CALN1: variants seen among roughly 807,000 people sequenced by gnomAD.
The protein encoded by CALN1 is calcium-binding protein 8.
Under a neutral mutation model 30.6 loss-of-function variants are expected in CALN1, and 17 were observed. That is an observed-to-expected ratio of 0.56 (90% CI 0.38 to 0.83). CALN1 has a LOEUF of 0.83. Ranked by LOEUF, CALN1 falls within the 40% of genes least tolerant of loss-of-function variation. The pLI is 0.00. For synonymous variants in CALN1, 156 were observed against 131.4 expected, an observed-to-expected ratio of 1.19 and a Z score of -1.28; for missense variants, 291 against 354.9, an observed-to-expected ratio of 0.82 and a Z score of 1.45.
chr7:72,408,831 T>C (rs1174567486), intron 1 of CALN1, among the ~76,000 whole-genome samples: 2 of 151,580 alleles, frequency 1.3e-5, no homozygotes, highest in Non-Finnish European at 2.9e-5. Context: ...GCGGGCACCA[T>C]CACTCCTGGC....
At position 71,811,278 on chromosome 7, in the gene CALN1, G is replaced by A. The variant is rs1214388347; in HGVS notation, c.502-786C>T. Among the ~76,000 whole-genome samples the A allele has an allele frequency of 2.6e-5, 4 of 152,194 alleles. No individual in the cohort carries two copies. The South Asian group carries it at 6.2e-4, about 24-fold the overall frequency. On this transcript the variant is annotated intron_variant, in intron 5 of 6. Coordinates refer to ENST00000395275, the MANE Select transcript of CALN1 (RefSeq NM_031468.4). ...GCTGGAGTCCAGTGGTGTGATCATA[G>A]CTCCCTGCAGCCTTGAACTCCTGGG...
chr7:72,330,865 T>A (rs1011715602), intron 2 of CALN1, among the ~76,000 whole-genome samples: 3 of 152,182 alleles, frequency 2.0e-5, no homozygotes, highest in African/African-American at 4.8e-5. Flanking sequence ...AAACCAGTTA[T>A]TTAGTCTTGC....
At chr7:72,311,922 T>C (rs1193185993) in intron 2 of CALN1, among the ~76,000 whole-genome samples, 1 of 151,768 alleles carries the variant, frequency 6.6e-6, no homozygotes, top group Non-Finnish European at 1.5e-5. Flanking sequence ...GAAATGAGCA[T>C]AGGAGAGTGA....
intron 2 of CALN1, among the ~76,000 whole-genome samples, chr7:72,295,470 C>T (rs1046948510): frequency 4.6e-5 from 7 of 151,740 alleles, no homozygotes; most frequent in African/African-American, 1.7e-4. Context: ...GCCATTTTCA[C>T]GATATTGATT....
intron 4 of CALN1, among the ~76,000 whole-genome samples, chr7:72,055,912 T>G (rs1341719456): frequency 6.6e-6 from 1 of 152,028 alleles, no homozygotes; most frequent in East Asian, 1.9e-4. Context: ...TCCCAACTAC[T>G]CAGGAGGCTG....
At chr7:72,285,898 C>T (rs761262132) in intron 2 of CALN1, among the ~76,000 whole-genome samples, 10 of 152,250 alleles carry the variant, frequency 6.6e-5, no homozygotes, top group East Asian at 3.9e-4. Flanking sequence ...ACCAGACATA[C>T]AAGGGGCAAT....
intron 5 of CALN1, among the ~76,000 whole-genome samples, chr7:71,915,371 A>G (rs1794635557): frequency 6.6e-6 from 1 of 152,200 alleles, no homozygotes; most frequent in Admixed American, 6.5e-5. Flanking sequence ...TCTTCCTCAC[A>G]TCAGGCTCTG....
intron 3 of CALN1, among the ~76,000 whole-genome samples, chr7:72,215,086 G>A (rs1409084364): frequency 6.6e-6 from 1 of 151,938 alleles, no homozygotes; most frequent in Non-Finnish European, 1.5e-5. Flanking sequence ...AAAACCATCC[G>A]ACATCCCCCA....
intron 5 of CALN1, among the ~76,000 whole-genome samples, chr7:71,835,884 G>T (rs571670317): frequency 2.6e-5 from 4 of 152,152 alleles, no homozygotes; most frequent in Non-Finnish European, 5.9e-5. Flanking sequence ...GGGGACAGCT[G>T]GGAGTTATAA....
chr7:72,234,722 A>C (rs1406527094), intron 3 of CALN1, among the ~76,000 whole-genome samples: 1 of 152,188 alleles, frequency 6.6e-6, no homozygotes, highest in African/African-American at 2.4e-5. Flanking sequence ...GTGGGACTAC[A>C]GGCGTGAGCC....
chr7:72,321,451 A>G (rs1183714811), intron 2 of CALN1, among the ~76,000 whole-genome samples: 1 of 152,222 alleles, frequency 6.6e-6, no homozygotes, highest in Non-Finnish European at 1.5e-5. Flanking sequence ...CAAGAAATCT[A>G]TAGGTTACAA....
At chr7:72,331,815 A>C (rs1801698738) in intron 2 of CALN1, among the ~76,000 whole-genome samples, 1 of 152,138 alleles carries the variant, frequency 6.6e-6, no homozygotes, top group African/African-American at 2.4e-5. Flanking sequence ...TATTAAGCCC[A>C]GAATCCATTA....
chr7:71,911,794 T>C (rs547885472), intron 5 of CALN1, among the ~76,000 whole-genome samples: 2 of 152,286 alleles, frequency 1.3e-5, no homozygotes, highest in East Asian at 3.9e-4. Flanking sequence ...CTTCCTGCCT[T>C]TGGCTGCAAT....
intron 5 of CALN1, among the ~76,000 whole-genome samples, chr7:72,021,075 A>T (rs1800677415): frequency 6.6e-6 from 1 of 152,136 alleles, no homozygotes; most frequent in Non-Finnish European, 1.5e-5. Context: ...GTTTGAGACC[A>T]GCCTGGGCAA....
intron 2 of CALN1, among the ~76,000 whole-genome samples, chr7:72,400,851 C>T (rs759709687): frequency 6.6e-5 from 10 of 152,176 alleles, no homozygotes; most frequent in Non-Finnish European, 1.5e-4. Flanking sequence ...TCTGATAACT[C>T]TCCTGGGCTT....
At chr7:72,433,273 A>G (rs1037774537) in intron 1 of CALN1, among the ~76,000 whole-genome samples, 1 of 152,180 alleles carries the variant, frequency 6.6e-6, no homozygotes, top group African/African-American at 2.4e-5. Flanking sequence ...CTATCCAAAC[A>G]AGAGAACACA....
chr7:72,378,516 C>T (rs1157148918), intron 2 of CALN1, among the ~76,000 whole-genome samples: 2 of 152,178 alleles, frequency 1.3e-5, no homozygotes, highest in South Asian at 2.1e-4. Flanking sequence ...CAATCTGCCA[C>T]TTTCACTGAT....
At chr7:72,033,009 A>C (rs1238148226) in intron 4 of CALN1, among the ~76,000 whole-genome samples, 1 of 152,156 alleles carries the variant, frequency 6.6e-6, no homozygotes, top group Non-Finnish European at 1.5e-5. Flanking sequence ...TTCTTTTATC[A>C]CTCTTGAATG....
intron 5 of CALN1, among the ~76,000 whole-genome samples, chr7:71,987,986 G>A (rs903083982): frequency 1.3e-5 from 2 of 152,156 alleles, no homozygotes; most frequent in African/African-American, 2.4e-5. Flanking sequence ...AAGGGAGGCC[G>A]TGTCAGTCAG....
Sources: gnomAD v4.1 joint callset for allele counts (sites outside exome capture counted in the v4.1 genomes callset) on GRCh38, gnomAD v4.1.1 for gene constraint, MANE v1.5 for transcripts, NCBI Gene and HGNC (gene_info 2026-07-23, HGNC 2026-07-21) for gene names.